Variants in ARHGAP24 observed in about 807,000 individuals in gnomAD.
ARHGAP24 encodes the protein Rho GTPase activating protein 24.
In ARHGAP24, 50 loss-of-function variants were observed where a neutral mutation model predicts 76.4. The ratio of observed to expected loss-of-function variants is 0.65; its 90% CI spans 0.52 to 0.83. The LOEUF is 0.83. Ranked by LOEUF, ARHGAP24 falls within the 40% of genes least tolerant of loss-of-function variation. ARHGAP24 has a pLI of 0.00. For missense variants in ARHGAP24, 930 were observed against 914.2 expected, an observed-to-expected ratio of 1.02 and a Z score of -0.22; for synonymous variants, 345 against 323.3, an observed-to-expected ratio of 1.07 and a Z score of -0.72.
At chr4:85,764,626 G>A (rs962487771) in intron 3 of ARHGAP24, among the ~76,000 whole-genome samples, 3 of 151,976 alleles carry the variant, frequency 2.0e-5, no homozygotes, top group African/African-American at 4.8e-5. Flanking sequence ...TCAGCCCCCA[G>A]AGTAATTGTT....
intron 3 of ARHGAP24, among the ~76,000 whole-genome samples, chr4:85,881,227 G>A (rs1733234935): frequency 6.6e-6 from 1 of 152,164 alleles, no homozygotes; most frequent in Non-Finnish European, 1.5e-5. Flanking sequence ...CACCATGGGT[G>A]GGATGGAGCA....
At chr4:85,894,810 A>C (rs1734049465) in intron 3 of ARHGAP24, among the ~76,000 whole-genome samples, 1 of 151,646 alleles carries the variant, frequency 6.6e-6, no homozygotes, top group Non-Finnish European at 1.5e-5. Flanking sequence ...AAAATACCAC[A>C]ATTAGCTGGG....
chr4:85,898,081 A>T, intron 3 of ARHGAP24, among the ~76,000 whole-genome samples: 1 of 148,158 alleles, frequency 6.7e-6, no homozygotes, highest in Admixed American at 6.8e-5. Flanking sequence ...ATTGGTTAGG[A>T]TGTTTTTGTG....
chr4:85,598,138 A>T (rs1230154023), intron 2 of ARHGAP24, among the ~76,000 whole-genome samples: 1 of 152,088 alleles, frequency 6.6e-6, no homozygotes. Flanking sequence ...TAGAAACATC[A>T]TGACTTCTCA....
intron 1 of ARHGAP24, 103 bp downstream of exon 1, chr4:85,475,662 GCGGGGGGCGGGGAGGGGGC>G (rs1722555558): frequency 3.6e-5 from 1 of 27,898 alleles, no homozygotes; most frequent in African/African-American, 9.5e-5. Context: ...GGAGGGGGCT[GCGGGGGGCGGGGAGGGGGC>G]TGCGGGGGGC....
Position 85,811,263 on chromosome 4 carries a change from C to G in ARHGAP24, c.268+89291C>G, listed in dbSNP as rs114648359. On this transcript the variant is annotated intron_variant, in intron 3 of 9. Transcript: ENST00000395184. ...AGGTTTTGTCTTAAGATGTTGAATT[C>G]CTATAAAATATTTTAAATACAAAGA... Among the ~76,000 whole-genome samples, 1,511 of 152,182 alleles carry G rather than the reference C, an allele frequency of 9.9e-3. 29 individuals carry two copies. Among genetic ancestry groups the G allele is most frequent in the African/African-American group, 0.034 (1,413 of 41,518 alleles).
intron 3 of ARHGAP24, among the ~76,000 whole-genome samples, chr4:85,901,898 G>C (rs1223841860): frequency 6.6e-6 from 1 of 151,694 alleles, no homozygotes; most frequent in Non-Finnish European, 1.5e-5. Context: ...ATGGTGGTTT[G>C]CTGCACCTAT....
In ARHGAP24 at chr4:85,677,002, A is replaced by G. The variant is rs1578132452; in HGVS notation, c.181-44883A>G. On this transcript the variant is annotated intron_variant, in intron 2 of 9. Transcript: ENST00000395184. Reference sequence around the variant, plus strand: ...CTACCAGAAGGGAGGCTCCAGCCACACAGGGTGGAAGAACCCAACGGGGGC... The same window carrying G: ...CTACCAGAAGGGAGGCTCCAGCCACGCAGGGTGGAAGAACCCAACGGGGGC... 3.3e-5 allele frequency among the ~76,000 whole-genome samples: 5 copies of G among 152,342 alleles called. No homozygotes were observed. In the South Asian group the frequency reaches 1.0e-3, roughly 32 times the overall value.
chr4:85,709,767 C>G (rs1470472474), intron 2 of ARHGAP24, among the ~76,000 whole-genome samples: 1 of 152,048 alleles, frequency 6.6e-6, no homozygotes, highest in Non-Finnish European at 1.5e-5. Flanking sequence ...GGAACACATG[C>G]CTATTCACAA....
At chr4:85,940,659 C>T (rs1420580020) in intron 4 of ARHGAP24, among the ~76,000 whole-genome samples, 1 of 152,122 alleles carries the variant, frequency 6.6e-6, no homozygotes, top group Non-Finnish European at 1.5e-5. Context: ...AATCTACAAA[C>T]CAAGCTAACT....
chr4:85,983,873 A>G (rs929270713), intron 8 of ARHGAP24, among the ~76,000 whole-genome samples: 3 of 152,212 alleles, frequency 2.0e-5, no homozygotes, highest in Non-Finnish European at 2.9e-5. Context: ...CCTGATTTAT[A>G]TAAAATTAGA....
chr4:85,617,647 G>A (rs559199800), intron 2 of ARHGAP24, among the ~76,000 whole-genome samples: 17 of 152,122 alleles, frequency 1.1e-4, no homozygotes, highest in Non-Finnish European at 2.4e-4. Flanking sequence ...TGGGGATTTA[G>A]ATTTCCAATA....
chr4:85,692,233 G>T (rs1723691902), intron 2 of ARHGAP24, among the ~76,000 whole-genome samples: 1 of 152,100 alleles, frequency 6.6e-6, no homozygotes, highest in Non-Finnish European at 1.5e-5. Flanking sequence ...TATGTGATCT[G>T]ACCCTTCTCT....
intron 2 of ARHGAP24, among the ~76,000 whole-genome samples, chr4:85,601,918 C>T (rs1720039477): frequency 6.6e-6 from 1 of 152,046 alleles, no homozygotes; most frequent in African/African-American, 2.4e-5. Context: ...TCCAACTTTC[C>T]ACAGTGGGAG....
chr4:85,744,320 G>A (rs1429773039), intron 3 of ARHGAP24, among the ~76,000 whole-genome samples: 1 of 152,130 alleles, frequency 6.6e-6, no homozygotes, highest in Non-Finnish European at 1.5e-5. Flanking sequence ...TCCTTGGAAT[G>A]GTTATTTGCT....
intron 1 of ARHGAP24, among the ~76,000 whole-genome samples, chr4:85,505,287 G>T (rs1432877585): frequency 6.6e-6 from 1 of 152,268 alleles, no homozygotes; most frequent in African/African-American, 2.4e-5. Context: ...TATTGGGGAA[G>T]TTCTCCTGGA....
chr4:85,548,368 A>T (rs902977835), intron 1 of ARHGAP24, among the ~76,000 whole-genome samples: 3 of 152,196 alleles, frequency 2.0e-5, no homozygotes, highest in Non-Finnish European at 4.4e-5. Context: ...AGCCAGAAGC[A>T]TTAGTGAATA....
intron 3 of ARHGAP24, among the ~76,000 whole-genome samples, chr4:85,790,458 CTT>C (rs1049815660): frequency 1.3e-5 from 2 of 152,080 alleles, no homozygotes; most frequent in African/African-American, 2.4e-5. Context: ...TTAAGGGAAA[CTT>C]ATTTTTATTG....
intron 7 of ARHGAP24, among the ~76,000 whole-genome samples, 191 bp downstream of exon 7, chr4:85,975,152 A>G (rs141721794): frequency 0.012 from 1,902 of 152,272 alleles, 32 homozygotes; most frequent in African/African-American, 0.043. Context: ...TTGAAATGTG[A>G]TGTTTTTGAA....
Sources: gnomAD v4.1 joint callset for allele counts (sites outside exome capture counted in the v4.1 genomes callset) on GRCh38, gnomAD v4.1.1 for gene constraint, MANE v1.5 for transcripts, NCBI Gene and HGNC (gene_info 2026-07-23, HGNC 2026-07-21) for gene names.